Variants in MMP11 observed in about 807,000 individuals in gnomAD.
The protein encoded by MMP11 is matrix metallopeptidase 11, also known as stromelysin-3.
A neutral mutation model predicts 49.5 loss-of-function variants in MMP11; 26 were observed. That is an observed-to-expected ratio of 0.52 (90% CI 0.38 to 0.73). The LOEUF (loss-of-function observed/expected upper bound fraction) is 0.73. Ranked by LOEUF, MMP11 falls within the 30% of genes least tolerant of loss-of-function variation. The pLI, the probability that MMP11 is intolerant of heterozygous loss-of-function variation, is 0.00. For missense variants in MMP11, 624 were observed against 671.2 expected, an observed-to-expected ratio of 0.93 and a Z score of 0.78; for synonymous variants, 265 against 282.3, an observed-to-expected ratio of 0.94 and a Z score of 0.62.
In MMP11 at chr22:23,779,388, C is replaced by A. The variant is rs563846943; in HGVS notation, c.310C>A (p.Arg104Ser). 4 of 1,612,434 alleles carry A rather than the reference C, an allele frequency of 2.5e-6. No homozygotes were observed. The highest frequency in any genetic ancestry group is 2.5e-6 in the Non-Finnish European group (3 of 1,179,722). The change falls in exon 2 of 8, where the codon CGC becomes AGC. Residue 104 changes from arginine (R) to serine (S), a missense_variant. Transcript: ENST00000215743. ...RQKRFVLSGGRWEKTDLTYRI... is the reference protein window; with the variant it reads ...RQKRFVLSGGSWEKTDLTYRI... ...GAAGAGGTTCGTGCTTTCTGGCGGG[C>A]GCTGGGAGAAGACGGACCTCACCTA...
chr22:23,780,653 C>T lies in MMP11; in HGVS notation c.554C>T (p.Thr185Ile). 1.3e-6 allele frequency: 2 copies of T among 1,584,866 alleles called. No homozygotes were observed. Among genetic ancestry groups the T allele is most frequent in the Non-Finnish European group, 1.7e-6 (2 of 1,167,402 alleles). Residue 185 changes from threonine (T) to isoleucine (I), a missense_variant, in exon 4 of 8, where the codon ACT (threonine) becomes ATT (isoleucine). Thr to Ile is a moderately conservative substitution (Grantham distance 89). Transcript: ENST00000215743. This position sits in a 1 kb window ranked among gnomAD's most constrained non-coding sequence, Gnocchi z 4.6. ...CTGGCCCATGCCTTCTTCCCCAAGA[C>T]TCACCGAGAAGGGGATGTCCACTTC... ...GILAHAFFPKTHREGDVHFDY... is the reference protein window; with the variant it reads ...GILAHAFFPKIHREGDVHFDY...
Position 23,780,468 on chromosome 22 carries a change from G to A in MMP11, c.448G>A (p.Glu150Lys), listed in dbSNP as rs751603089. Residue 150 changes from glutamate (E) to lysine (K), a missense_variant, in exon 3 of 8, where the codon GAG becomes AAG. Physicochemically the swap from Glu to Lys is moderately conservative, Grantham distance 56. Coordinates refer to ENST00000215743, the MANE Select transcript of MMP11 (RefSeq NM_005940.5). The surrounding 1 kb of genome is among the most constrained non-coding windows in gnomAD (Gnocchi z 4.6). Reference sequence around the variant, plus strand: ...GCCACTCACCTTTACTGAGGTGCACGAGGGCCGTGCTGACATCATGATCGA... The same window carrying A: ...GCCACTCACCTTTACTGAGGTGCACAAGGGCCGTGCTGACATCATGATCGA... ...VTPLTFTEVH[E>K]GRADIMIDFA... 5.3e-5 allele frequency: 85 copies of A among 1,613,914 alleles called. No individual in the cohort carries two copies. The highest frequency in any genetic ancestry group is 6.9e-5 in the Non-Finnish European group (82 of 1,180,034).
intron 6 of MMP11, chr22:23,781,747 A>G: frequency 1.6e-6 from 1 of 623,442 alleles, no homozygotes; most frequent in Non-Finnish European, 3.1e-6. Flanking sequence ...TGCAGCTGGG[A>G]AGAGGCAGGG....
intron 1 of MMP11, among the ~76,000 whole-genome samples, chr22:23,775,138 G>T (rs1384790506): frequency 6.6e-6 from 1 of 152,156 alleles, no homozygotes; most frequent in Non-Finnish European, 1.5e-5. Flanking sequence ...CCAAGAGCTG[G>T]GGAGACAGGG....
intron 6 of MMP11, chr22:23,781,684 T>G: frequency 1.5e-6 from 1 of 654,226 alleles, no homozygotes; most frequent in South Asian, 1.6e-5. Context: ...TGGGGCGGGG[T>G]TCTAGAGATG....
chr22:23,778,255 C>T (rs1268757334), intron 1 of MMP11, among the ~76,000 whole-genome samples: 3 of 152,250 alleles, frequency 2.0e-5, no homozygotes, highest in Admixed American at 2.0e-4. Context: ...GGTGACTTTG[C>T]AGGGTCTCCA....
chr22:23,779,677 G>T, intron 2 of MMP11: 1 of 544,642 alleles, frequency 1.8e-6, no homozygotes, highest in Non-Finnish European at 3.3e-6. Flanking sequence ...ACATGCCTGC[G>T]GACGGGTGTT....
chr22:23,773,535 T>G (rs764429453), intron 1 of MMP11, among the ~76,000 whole-genome samples: 15 of 151,986 alleles, frequency 9.9e-5, no homozygotes, highest in African/African-American at 2.4e-4. Flanking sequence ...CAGGAGAACA[T>G]GAGTATGAAA....
Position 23,781,054 on chromosome 22 carries a change from T to C in MMP11, c.812T>C (p.Leu271Pro), listed in dbSNP as rs775538355. ...WPTVTSRTPA[L>P]GPQAGIDTNE... ...ACTGTCACCTCCAGGACCCCAGCCCTGGGCCCCCAGGCTGGGATAGACACC... is the reference window on the plus strand; with the variant it reads ...ACTGTCACCTCCAGGACCCCAGCCCCGGGCCCCCAGGCTGGGATAGACACC... The change falls in exon 5 of 8, where the codon CTG (leucine) becomes CCG (proline). Residue 271 changes from leucine (L) to proline (P), a missense_variant. Leu to Pro is a moderately conservative substitution (Grantham distance 98). Transcript: ENST00000215743. 6.2e-7 allele frequency: 1 copy of C among 1,611,030 alleles called. No individual in the cohort carries two copies. The highest frequency in any genetic ancestry group is 1.3e-5 in the African/African-American group (1 of 74,924).
intron 1 of MMP11, among the ~76,000 whole-genome samples, chr22:23,778,732 G>T (rs1927501097): frequency 6.6e-6 from 1 of 152,244 alleles, no homozygotes; most frequent in Non-Finnish European, 1.5e-5. Context: ...ACATGACAGG[G>T]ACAGGAGCAT....
chr22:23,779,314 G>C lies in MMP11; in HGVS notation c.236G>C (p.Arg79Pro), dbSNP rs147144956. Residue 79 changes from arginine (R) to proline (P), a missense_variant, in exon 2 of 8, where the codon CGC becomes CCC. Transcript: ENST00000215743. Reference sequence around the variant, plus strand: ...CCTGCCAGCAGCCTCAGGCCTCCCCGCTGTGGCGTGCCCGACCCATCTGAT... The same window carrying C: ...CCTGCCAGCAGCCTCAGGCCTCCCCCCTGTGGCGTGCCCGACCCATCTGAT... Reference protein sequence around the residue: ...PRPASSLRPPRCGVPDPSDGL... With the variant: ...PRPASSLRPPPCGVPDPSDGL... 6.2e-7 allele frequency: 1 copy of C among 1,612,418 alleles called. No homozygotes were observed. Among genetic ancestry groups the C allele is most frequent in the Admixed American group, 1.7e-5 (1 of 59,936 alleles).
At chr22:23,774,091 G>GATGT (rs1291208302) in intron 1 of MMP11, among the ~76,000 whole-genome samples, 1 of 152,330 alleles carries the variant, frequency 6.6e-6, no homozygotes, top group East Asian at 1.9e-4. Context: ...ACTGTGGGTA[G>GATGT]ACATTGAACC....
In MMP11 at chr22:23,781,470, G is replaced by C. The variant is rs1035384324; in HGVS notation, c.1075+61G>C. ...CCAGAGCCAGGAATGTTATGGCCAA[G>C]GGCAGGAACAGACAGATGGATCCTT... On this transcript the variant is annotated intron_variant, in intron 6 of 7. Transcript: ENST00000215743. 6.2e-6 allele frequency: 9 copies of C among 1,462,498 alleles called. No individual in the cohort carries two copies. The African/African-American group carries it at 1.3e-4, about 20-fold the overall frequency. 90.6% of individuals were successfully genotyped at this position (1,462,498 alleles called of 1,614,324 possible).
In MMP11 at chr22:23,782,445, T is replaced by C. The variant is rs777499765; in HGVS notation, c.1295T>C (p.Val432Ala). ...VPRRATDWRG[V>A]PSEIDAAFQD... ...CGCAGGGCCACTGACTGGAGAGGGG[T>C]GCCCTCTGAGATCGACGCTGCCTTC... is the stretch of plus-strand genomic sequence containing the variant. The change falls in exon 7 of 8, where the codon GTG becomes GCG. Residue 432 changes from valine (V) to alanine (A), a missense_variant. Transcript: ENST00000215743. 2.5e-6 allele frequency: 4 copies of C among 1,613,058 alleles called. No homozygotes were observed. The highest frequency in any genetic ancestry group is 2.5e-6 in the Non-Finnish European group (3 of 1,179,832).
At position 23,780,217 on chromosome 22, in the gene MMP11, C is replaced by T. The variant is rs976279029; in HGVS notation, c.339-142C>T. ...GCCCATGTGGCCAGGGAGACCAGTGCGCTGAAGCTGAGGCCCAGAGTACAC... is the reference window on the plus strand; with the variant it reads ...GCCCATGTGGCCAGGGAGACCAGTGTGCTGAAGCTGAGGCCCAGAGTACAC... On this transcript the variant is annotated intron_variant, in intron 2 of 7. Transcript: ENST00000215743. This position sits in a 1 kb window ranked among gnomAD's most constrained non-coding sequence, Gnocchi z 4.6. The T allele has an allele frequency of 1.2e-4, 114 of 974,962 alleles. No individual in the cohort carries two copies. The highest frequency in any genetic ancestry group is 1.4e-4 in the South Asian group (9 of 64,296). The allele number at this position is 974,962 out of a possible 1,614,324, so 60.4% of individuals were successfully genotyped here. A position where few individuals can be genotyped will look rare whatever the true frequency, so the allele number is the denominator to read the frequency against.
chr22:23,782,768 C>T (rs1052759998), intron 7 of MMP11: 2 of 537,048 alleles, frequency 3.7e-6, no homozygotes, highest in African/African-American at 3.8e-5. Context: ...ATGCTCTAAG[C>T]TCCTTACTGG....
At position 23,781,418 on chromosome 22, in the gene MMP11, G is replaced by C. The variant is rs1374182983; in HGVS notation, c.1075+9G>C. 6.3e-7 allele frequency: 1 copy of C among 1,586,826 alleles called. No homozygotes were observed. The highest frequency in any genetic ancestry group is 1.3e-5 in the African/African-American group (1 of 74,196). The stretch of plus-strand genomic sequence containing the variant: ...CATTTGGTTCTTCCAAGGTGAGTGG[G>C]GGTTGGGGATCTGCTCGAGAGACTT... On this transcript the variant is annotated intron_variant, in intron 6 of 7. Coordinates refer to ENST00000215743, the MANE Select transcript of MMP11 (RefSeq NM_005940.5).
chr22:23,783,205 A>G (rs954145780), intron 7 of MMP11, among the ~76,000 whole-genome samples: 1 of 152,150 alleles, frequency 6.6e-6, no homozygotes, highest in Non-Finnish European at 1.5e-5. Context: ...AGCCCAGCCC[A>G]GATTCCGGGG....
chr22:23,775,608 C>T (rs1555927361), intron 1 of MMP11, among the ~76,000 whole-genome samples: 1 of 152,230 alleles, frequency 6.6e-6, no homozygotes, highest in Non-Finnish European at 1.5e-5. Context: ...GCATCTCCTG[C>T]TCACTCAGTT....
Sources: allele counts gnomAD v4.1 joint callset (sites outside exome capture counted in the v4.1 genomes callset), GRCh38; gene constraint gnomAD v4.1.1; non-coding constraint Gnocchi (gnomAD v3.1); transcripts MANE v1.5; gene names NCBI Gene and HGNC (gene_info 2026-07-23, HGNC 2026-07-21).